ELMO1: variants seen among roughly 807,000 people sequenced by gnomAD.
The protein encoded by ELMO1 is engulfment and cell motility protein 1.
In ELMO1, 26 loss-of-function variants were observed where a neutral mutation model predicts 98.9. The observed-to-expected ratio is 0.26, with a 90% CI of 0.19 to 0.36. The LOEUF is 0.36. Among genes scored for constraint, ELMO1 ranks in the 10% least tolerant of loss-of-function variants. The pLI, the probability that ELMO1 is intolerant of heterozygous loss-of-function variation, is 1.00. For synonymous variants in ELMO1, 346 were observed against 346.0 expected (o/e 1.00, Z 0.00); for missense variants, 627 against 935.2 (o/e 0.67, Z 4.30).
chr7:37,242,870 T>TG (rs1794826609), intron 7 of ELMO1, among the ~76,000 whole-genome samples: 1 of 152,230 alleles, frequency 6.6e-6, no homozygotes, highest in South Asian at 2.1e-4. Context: ...CACCCCATGC[T>TG]GCCTGGATGA....
chr7:37,075,313 AT>A lies in ELMO1; in HGVS notation c.1300+21305del, dbSNP rs750539995. Among the ~76,000 whole-genome samples, 716 of 138,286 alleles carry A rather than the reference AT, an allele frequency of 5.2e-3. 2 individuals carry two copies. Among genetic ancestry groups the A allele is most frequent in the East Asian group, 7.2e-3 (34 of 4,740 alleles). 90.7% of individuals were successfully genotyped at this position (138,286 alleles called of 152,430 possible). On this transcript the variant is annotated intron_variant, in intron 15 of 21. Transcript: ENST00000310758. ...AGGCGCCCGCCACCACACCCGGCTAATTTTTTTTTTTTTTTGTATTTTTAGT... is the reference window on the plus strand; with the variant it reads ...AGGCGCCCGCCACCACACCCGGCTAATTTTTTTTTTTTTTGTATTTTTAGT...
chr7:37,151,271 A>C (rs1584724607), intron 13 of ELMO1, among the ~76,000 whole-genome samples: 2 of 150,954 alleles, frequency 1.3e-5, no homozygotes, highest in African/African-American at 4.9e-5. Context: ...GCTTTAAAAA[A>C]CCCCCATCCT....
At chr7:37,280,873 T>A (rs1253687803) in intron 4 of ELMO1, among the ~76,000 whole-genome samples, 1 of 151,866 alleles carries the variant, frequency 6.6e-6, no homozygotes. Flanking sequence ...GGAAAAGAAG[T>A]CATTATTCAA....
chr7:37,418,602 T>C (rs1804333599), intron 1 of ELMO1, among the ~76,000 whole-genome samples: 1 of 152,174 alleles, frequency 6.6e-6, no homozygotes. Flanking sequence ...GCTGTGCCAG[T>C]GCAACTCTGT....
chr7:37,106,906 T>C (rs1301873780), intron 14 of ELMO1, among the ~76,000 whole-genome samples: 3 of 152,198 alleles, frequency 2.0e-5, no homozygotes, highest in Non-Finnish European at 2.9e-5. Flanking sequence ...ATGAAGATTC[T>C]GACTCAGTAG....
intron 7 of ELMO1, among the ~76,000 whole-genome samples, chr7:37,240,029 T>C (rs73108996): frequency 1.2e-3 from 180 of 145,824 alleles, no homozygotes; most frequent in Middle Eastern, 3.6e-3. Context: ...CTTAATTTTC[T>C]TTCTTTTTTT....
intron 4 of ELMO1, among the ~76,000 whole-genome samples, chr7:37,278,178 A>C (rs1796953463): frequency 9.4e-6 from 1 of 106,144 alleles, no homozygotes; most frequent in South Asian, 3.2e-4. Context: ...GCCCTTTTTG[A>C]TGTGTTAACT....
At chr7:37,267,450 G>A (rs150639292) in intron 5 of ELMO1, among the ~76,000 whole-genome samples, 51 of 152,314 alleles carry the variant, frequency 3.3e-4, no homozygotes, top group African/African-American at 1.0e-3. Context: ...GCGCGCGCAC[G>A]CGTGTGTGTG....
intron 13 of ELMO1, among the ~76,000 whole-genome samples, chr7:37,193,586 G>A (rs78236545): frequency 0.016 from 2,468 of 152,136 alleles, 135 homozygotes; most frequent in Admixed American, 0.11. Flanking sequence ...CTTGGTAACC[G>A]GCAGCCTTCC....
intron 13 of ELMO1, among the ~76,000 whole-genome samples, chr7:37,152,499 A>G (rs1468731970): frequency 2.0e-5 from 3 of 148,890 alleles, no homozygotes; most frequent in African/African-American, 7.6e-5. Flanking sequence ...CACTTAGTTT[A>G]TAGAATGTAG....
chr7:36,896,275 A>G lies in ELMO1; in HGVS notation c.1438-1258T>C, dbSNP rs180953627. Among the ~76,000 whole-genome samples, 8 of 152,340 alleles carry G rather than the reference A, an allele frequency of 5.3e-5. No individual in the cohort carries two copies. The East Asian group carries it at 1.5e-3, about 29-fold the overall frequency. On this transcript the variant is annotated intron_variant, in intron 16 of 21. Transcript: ENST00000310758. ...GGATTGATGACTTGCCCCAAGTCACATATATGTAGTTGAATCCTAGGATCC... is the reference window on the plus strand; with the variant it reads ...GGATTGATGACTTGCCCCAAGTCACGTATATGTAGTTGAATCCTAGGATCC...
chr7:36,974,495 G>A (rs1790323567), intron 16 of ELMO1, among the ~76,000 whole-genome samples: 1 of 152,152 alleles, frequency 6.6e-6, no homozygotes, highest in South Asian at 2.1e-4. Flanking sequence ...CTCTGGTGGG[G>A]CCTTGGAGAA....
At chr7:37,110,076 G>T (rs1387805692) in intron 14 of ELMO1, among the ~76,000 whole-genome samples, 1 of 152,232 alleles carries the variant, frequency 6.6e-6, no homozygotes, top group South Asian at 2.1e-4. Flanking sequence ...GGGTACTGCA[G>T]AGAGGCTGGC....
At chr7:37,062,006 T>C (rs1796692711) in intron 15 of ELMO1, among the ~76,000 whole-genome samples, 2 of 152,204 alleles carry the variant, frequency 1.3e-5, no homozygotes. Context: ...TGAGAAGTGT[T>C]CAGCATTCAA....
chr7:37,101,679 G>A (rs1784651367), intron 14 of ELMO1, among the ~76,000 whole-genome samples: 2 of 152,044 alleles, frequency 1.3e-5, no homozygotes, highest in African/African-American at 4.8e-5. Flanking sequence ...GGTATAGCCT[G>A]CCTCAGTATC....
intron 14 of ELMO1, among the ~76,000 whole-genome samples, chr7:37,125,156 A>C (rs548027976): frequency 1.1e-4 from 17 of 152,282 alleles, no homozygotes; most frequent in African/African-American, 2.4e-4. Context: ...TAAAGACTTA[A>C]ATGTTAGACC....
intron 2 of ELMO1, among the ~76,000 whole-genome samples, chr7:37,318,772 C>T (rs190090545): frequency 6.6e-6 from 1 of 152,276 alleles, no homozygotes; most frequent in East Asian, 1.9e-4. Context: ...CTTCCATCTA[C>T]CCCAATCAAA....
At chr7:36,865,457 C>T (rs898489857) in intron 20 of ELMO1, among the ~76,000 whole-genome samples, 1 of 152,146 alleles carries the variant, frequency 6.6e-6, no homozygotes, top group Non-Finnish European at 1.5e-5. Flanking sequence ...ACTCTCCAGC[C>T]CCAATCTATC....
intron 16 of ELMO1, among the ~76,000 whole-genome samples, chr7:36,978,417 T>C (rs984869732): frequency 6.6e-6 from 1 of 151,794 alleles, no homozygotes; most frequent in Admixed American, 6.6e-5. Flanking sequence ...ACAGAATACA[T>C]CATGGGTATG....
Sources: allele counts gnomAD v4.1 joint callset (sites outside exome capture counted in the v4.1 genomes callset), GRCh38; gene constraint gnomAD v4.1.1; transcripts MANE v1.5; gene names NCBI Gene and HGNC (gene_info 2026-07-23, HGNC 2026-07-21).